Variants in HSD17B12 observed in about 807,000 individuals in gnomAD.
HSD17B12 encodes the protein very-long-chain 3-oxoacyl-CoA reductase.
HSD17B12 carries 32 observed loss-of-function variants against 39.3 expected under a neutral mutation model. The ratio of observed to expected loss-of-function variants is 0.81; its 90% CI spans 0.61 to 1.09. HSD17B12 has a LOEUF of 1.09. HSD17B12 is among the 50% of genes least tolerant of loss of function. The pLI, the probability that HSD17B12 is intolerant of heterozygous loss-of-function variation, is 0.00. For missense variants in HSD17B12, 342 were observed against 382.9 expected (o/e 0.89, Z 0.89); for synonymous variants, 150 against 146.7 (o/e 1.02, Z -0.16).
At chr11:43,626,413 T>C in the HSD17B12 span, among the ~76,000 whole-genome samples, 1 of 151,886 alleles carries the variant, frequency 6.6e-6, no homozygotes, top group Non-Finnish European at 1.5e-5. Context: ...ATTCTAAATG[T>C]AGAGTACAGA....
intron 3 of HSD17B12, among the ~76,000 whole-genome samples, chr11:43,788,620 CT>C (rs937818404): frequency 2.1e-4 from 32 of 149,870 alleles, no homozygotes; most frequent in African/African-American, 7.6e-4. Flanking sequence ...TGTTCTCTGC[CT>C]GCCACCTGTC....
At chr11:43,704,714 G>A (rs1359440596) in intron 1 of HSD17B12, among the ~76,000 whole-genome samples, 3 of 152,218 alleles carry the variant, frequency 2.0e-5, no homozygotes, top group African/African-American at 7.2e-5. Flanking sequence ...ATTTGCTGGA[G>A]GGAGAGATTC....
At chr11:43,790,923 G>T (rs1191480330) in intron 3 of HSD17B12, among the ~76,000 whole-genome samples, 5 of 152,102 alleles carry the variant, frequency 3.3e-5, no homozygotes, top group Admixed American at 3.3e-4. Flanking sequence ...GAACCCAGGA[G>T]GTGGAGGTTG....
At chr11:43,841,507 A>G (rs1359439558) in intron 9 of HSD17B12, among the ~76,000 whole-genome samples, 1 of 152,154 alleles carries the variant, frequency 6.6e-6, no homozygotes, top group Non-Finnish European at 1.5e-5. Flanking sequence ...TTCCTGTAAG[A>G]GTTTTCTAGT....
At chr11:43,642,848 A>C in the HSD17B12 span, among the ~76,000 whole-genome samples, 1 of 151,924 alleles carries the variant, frequency 6.6e-6, no homozygotes, top group Non-Finnish European at 1.5e-5. Flanking sequence ...AGGAGTGAAG[A>C]AGTAAATGAT....
intron 3 of HSD17B12, among the ~76,000 whole-genome samples, chr11:43,794,229 T>C (rs1396252081): frequency 6.6e-6 from 1 of 152,224 alleles, no homozygotes; most frequent in African/African-American, 2.4e-5. Context: ...GATTTGTCAA[T>C]AGGCATCAAT....
At chr11:43,672,827 C>T in the HSD17B12 span, among the ~76,000 whole-genome samples, 1 of 152,186 alleles carries the variant, frequency 6.6e-6, no homozygotes, top group Admixed American at 6.5e-5. Context: ...AGGCGTGAGT[C>T]GCCGCACCCT....
At chr11:43,783,849 C>G (rs2135016574) in intron 3 of HSD17B12, among the ~76,000 whole-genome samples, 1 of 152,210 alleles carries the variant, frequency 6.6e-6, no homozygotes, top group Middle Eastern at 3.4e-3. Flanking sequence ...ATTTAACTCA[C>G]TTAAAAATAA....
chr11:43,765,269 G>C (rs535565203), intron 3 of HSD17B12, among the ~76,000 whole-genome samples: 1 of 151,684 alleles, frequency 6.6e-6, no homozygotes, highest in South Asian at 2.1e-4. Flanking sequence ...CTTTACATTT[G>C]AAAGGTATTT....
chr11:43,748,597 T>A (rs1006067530), intron 1 of HSD17B12, among the ~76,000 whole-genome samples: 46 of 152,122 alleles, frequency 3.0e-4, no homozygotes, highest in African/African-American at 1.0e-3. Flanking sequence ...GTACCCTCTA[T>A]ATCTAAAATA....
At chr11:43,666,088 C>T in the HSD17B12 span, among the ~76,000 whole-genome samples, 5 of 152,360 alleles carry the variant, frequency 3.3e-5, no homozygotes, top group Admixed American at 2.6e-4. Context: ...CCCTCCCTTC[C>T]TTTCCACTCC....
the HSD17B12 span, among the ~76,000 whole-genome samples, chr11:43,582,404 A>G: frequency 6.6e-6 from 1 of 152,112 alleles, no homozygotes; most frequent in African/African-American, 2.4e-5. Context: ...AGTCCTGACC[A>G]CTTCGGTCAC....
chr11:43,717,420 G>C (rs1032202370), intron 1 of HSD17B12, among the ~76,000 whole-genome samples: 3 of 152,116 alleles, frequency 2.0e-5, no homozygotes, highest in Admixed American at 2.0e-4. Context: ...ATTCAGACTA[G>C]CCTTTTCTCC....
chr11:43,795,324 G>T (rs1413899727), intron 3 of HSD17B12, among the ~76,000 whole-genome samples: 5 of 152,160 alleles, frequency 3.3e-5, no homozygotes, highest in African/African-American at 1.2e-4. Context: ...TTTAACATAG[G>T]CTAGCTAGCT....
chr11:43,596,640 A>G, the HSD17B12 span, among the ~76,000 whole-genome samples: 2 of 151,542 alleles, frequency 1.3e-5, no homozygotes, highest in South Asian at 2.1e-4. Context: ...AGGTATCGCT[A>G]TTGCCCAGGC....
At chr11:43,758,759 A>G (rs1590275308) in intron 3 of HSD17B12, among the ~76,000 whole-genome samples, 1 of 152,270 alleles carries the variant, frequency 6.6e-6, no homozygotes, top group East Asian at 1.9e-4. Flanking sequence ...CCAAACTCAA[A>G]TGTAGCCACC....
At chr11:43,792,825 A>G (rs1157028139) in intron 3 of HSD17B12, among the ~76,000 whole-genome samples, 1 of 151,148 alleles carries the variant, frequency 6.6e-6, no homozygotes, top group Non-Finnish European at 1.5e-5. Flanking sequence ...ACCCCACTCT[A>G]GCTTATATTT....
At chr11:43,586,453 C>A in the HSD17B12 span, among the ~76,000 whole-genome samples, 2 of 152,176 alleles carry the variant, frequency 1.3e-5, no homozygotes, top group Non-Finnish European at 2.9e-5. Context: ...GCATGGGTCC[C>A]TGTCTTTTAT....
chr11:43,621,825 A>T, the HSD17B12 span, among the ~76,000 whole-genome samples: 1 of 152,238 alleles, frequency 6.6e-6, no homozygotes, highest in Admixed American at 6.5e-5. Flanking sequence ...CCAAATTACA[A>T]GTCTGTTGAT....
Sources: gnomAD v4.1 joint callset for allele counts (sites outside exome capture counted in the v4.1 genomes callset) on GRCh38, gnomAD v4.1.1 for gene constraint, MANE v1.5 for transcripts, NCBI Gene and HGNC (gene_info 2026-07-23, HGNC 2026-07-21) for gene names.